The following BMERB1 variants were observed in gnomAD, a reference collection of about 807,000 sequenced individuals.
BMERB1 encodes the protein bMERB domain-containing protein 1.
BMERB1 carries 12 observed loss-of-function variants against 23.6 expected under a neutral mutation model. The ratio of observed to expected loss-of-function variants is 0.51; its 90% CI spans 0.33 to 0.82. The LOEUF is 0.82. Among genes scored for constraint, BMERB1 ranks in the 40% least tolerant of loss-of-function variants. The probability of loss-of-function intolerance (pLI) is 0.03; values close to 1 mark genes in which losing one functional copy is unlikely to be tolerated. For missense variants in BMERB1, 247 were observed against 255.4 expected, an observed-to-expected ratio of 0.97 and a Z score of 0.22; for synonymous variants, 122 against 96.6, an observed-to-expected ratio of 1.26 and a Z score of -1.54.
At chr16:15,470,825 CTTTTTTTTTTTTTTTT>C (rs35873574) in intron 1 of BMERB1, among the ~76,000 whole-genome samples, 30 of 49,390 alleles carry the variant, frequency 6.1e-4, no homozygotes, top group African/African-American at 2.0e-3. Context: ...CACCTGGCCT[CTTTTTTTTTTTTTTTT>C]TTTTTTTTTT....
chr16:15,495,008 A>C (rs963165696), intron 1 of BMERB1, among the ~76,000 whole-genome samples: 1 of 142,164 alleles, frequency 7.0e-6, no homozygotes, highest in East Asian at 2.2e-4. Context: ...CTCAGCCTCC[A>C]GAGTAGCTGG....
chr16:15,581,165 C>G (rs1247088099), intron 3 of BMERB1, 52 bp from the exon 4 acceptor site: 37 of 1,409,104 alleles, frequency 2.6e-5, no homozygotes, highest in Non-Finnish European at 3.4e-5. Context: ...GATCCGCCCA[C>G]CTCAGCCTCC....
At chr16:15,465,671 T>G (rs1172451306) in intron 1 of BMERB1, among the ~76,000 whole-genome samples, 1 of 152,154 alleles carries the variant, frequency 6.6e-6, no homozygotes, top group Non-Finnish European at 1.5e-5. Context: ...TTTGTATTAG[T>G]CCTTTTTAGA....
intron 1 of BMERB1, among the ~76,000 whole-genome samples, chr16:15,491,344 C>CTT (rs913982948): frequency 6.7e-6 from 1 of 150,130 alleles, no homozygotes; most frequent in East Asian, 1.9e-4. Flanking sequence ...AACACAGTGA[C>CTT]TTTTTTTTTT....
chr16:15,451,538 C>T (rs1166457227), intron 1 of BMERB1, among the ~76,000 whole-genome samples: 4 of 148,324 alleles, frequency 2.7e-5, no homozygotes, highest in Non-Finnish European at 4.5e-5. Flanking sequence ...CATACTGGGT[C>T]ACTCTTAGTA....
At chr16:15,475,576 G>A (rs147326599) in intron 1 of BMERB1, among the ~76,000 whole-genome samples, 49 of 152,058 alleles carry the variant, frequency 3.2e-4, no homozygotes, top group African/African-American at 1.1e-3. Flanking sequence ...TAATTGTCCT[G>A]GCAATAACAT....
intron 1 of BMERB1, among the ~76,000 whole-genome samples, chr16:15,459,833 G>A (rs2051120213): frequency 6.6e-6 from 1 of 152,158 alleles, no homozygotes; most frequent in African/African-American, 2.4e-5. Context: ...TGAGGGAAGA[G>A]GCACTGTCAT....
chr16:15,587,826 C>T lies in BMERB1; in HGVS notation c.*997C>T, dbSNP rs2031190990. Reference sequence around the variant, plus strand: ...CCGTGTAATTCATGTACATTTGCAACAGCCAGCCCGGTACAGCCTGTGTGA... The same window carrying T: ...CCGTGTAATTCATGTACATTTGCAATAGCCAGCCCGGTACAGCCTGTGTGA... On this transcript the variant is annotated 3_prime_UTR_variant, in exon 6 of 6. Transcript: ENST00000300006. 1 of 240,884 alleles carries T rather than the reference C, an allele frequency of 4.2e-6. No homozygotes were observed. Among genetic ancestry groups the T allele is most frequent in the Non-Finnish European group, 8.7e-6 (1 of 114,724 alleles). The allele number at this position is 240,884 out of a possible 1,614,324, so 14.9% of individuals were successfully genotyped here.
At chr16:15,585,003 G>A (rs1225656546) in intron 5 of BMERB1, among the ~76,000 whole-genome samples, 1 of 152,170 alleles carries the variant, frequency 6.6e-6, no homozygotes, top group Non-Finnish European at 1.5e-5. Context: ...GAGGAAGAGG[G>A]ACTTGAAATC....
chr16:15,572,245 G>A (rs550759368), intron 3 of BMERB1, among the ~76,000 whole-genome samples: 3 of 151,082 alleles, frequency 2.0e-5, no homozygotes, highest in Non-Finnish European at 2.9e-5. Context: ...ACTACCCCCC[G>A]CATGGTTGTT....
rs181983243 is a variant in BMERB1, at chr16:15,552,347, C to T, written c.231-15636C>T. Among the ~76,000 whole-genome samples, 13 of 151,708 alleles carry T rather than the reference C, an allele frequency of 8.6e-5. No homozygotes were observed. In the East Asian group the frequency reaches 2.3e-3, roughly 27 times the overall value. On this transcript the variant is annotated intron_variant, in intron 2 of 5. Transcript: ENST00000300006. ...CCCAGCTACTCAGGAGGCTGAGGCA[C>T]GAGGATTGCTTGAACCTGGGAGGCA...
intron 2 of BMERB1, among the ~76,000 whole-genome samples, chr16:15,542,344 T>C (rs770299978): frequency 2.6e-5 from 4 of 152,166 alleles, no homozygotes; most frequent in Non-Finnish European, 4.4e-5. Flanking sequence ...ATTACAGGCG[T>C]GAGCCACCGT....
At chr16:15,536,934 A>G (rs1437272161) in intron 2 of BMERB1, 5 of 152,202 alleles carry the variant, frequency 3.3e-5, no homozygotes, top group Non-Finnish European at 7.3e-5. Context: ...AGATGTTAAT[A>G]AAAAGTACAA....
intron 2 of BMERB1, among the ~76,000 whole-genome samples, chr16:15,546,628 A>C (rs376290907): frequency 1.4e-4 from 22 of 152,334 alleles, no homozygotes; most frequent in African/African-American, 5.3e-4. Context: ...CTATATGTCC[A>C]CGTGTAAGTG....
intron 1 of BMERB1, among the ~76,000 whole-genome samples, chr16:15,489,853 C>A (rs900444069): frequency 6.6e-6 from 1 of 152,052 alleles, no homozygotes; most frequent in African/African-American, 2.4e-5. Context: ...TTATTTTCAG[C>A]GATCCATTCC....
At chr16:15,552,295 C>T (rs534724399) in intron 2 of BMERB1, among the ~76,000 whole-genome samples, 2 of 152,044 alleles carry the variant, frequency 1.3e-5, no homozygotes, top group Non-Finnish European at 2.9e-5. Flanking sequence ...CAAAAATTAG[C>T]AGGGTATGGT....
chr16:15,438,464 ATTT>A (rs201673443), intron 1 of BMERB1, among the ~76,000 whole-genome samples: 5 of 144,716 alleles, frequency 3.5e-5, no homozygotes, highest in South Asian at 2.2e-4. Context: ...TTTCTAGACT[ATTT>A]TTTTTTTTTT....
At chr16:15,499,329 T>C (rs2051504074) in intron 1 of BMERB1, among the ~76,000 whole-genome samples, 1 of 146,532 alleles carries the variant, frequency 6.8e-6, no homozygotes, top group Admixed American at 6.8e-5. Flanking sequence ...ACCCGGGAGG[T>C]GGAGGTTGCA....
intron 2 of BMERB1, among the ~76,000 whole-genome samples, chr16:15,547,104 C>G (rs1410241788): frequency 6.6e-6 from 1 of 151,378 alleles, no homozygotes; most frequent in Non-Finnish European, 1.5e-5. Flanking sequence ...CCTCTGCCTC[C>G]TAGGTTCAAG....
Sources: gnomAD v4.1 joint callset for allele counts (sites outside exome capture counted in the v4.1 genomes callset) on GRCh38, gnomAD v4.1.1 for gene constraint, MANE v1.5 for transcripts, NCBI Gene and HGNC (gene_info 2026-07-23, HGNC 2026-07-21) for gene names.